TRAPPC11: variants seen among roughly 807,000 people sequenced by gnomAD.
TRAPPC11 encodes the protein foie gras homolog.
A neutral mutation model predicts 151.2 loss-of-function variants in TRAPPC11; 104 were observed. The ratio of observed to expected loss-of-function variants is 0.69; its 90% CI spans 0.59 to 0.81. TRAPPC11 has a LOEUF of 0.81. Ranked by LOEUF, TRAPPC11 falls within the 30% of genes least tolerant of loss-of-function variation. TRAPPC11 has a pLI of 0.00. For missense variants in TRAPPC11, 1,230 were observed against 1,349.6 expected (o/e 0.91, Z 1.39); for synonymous variants, 456 against 472.3 (o/e 0.97, Z 0.45).
Position 183,675,144 on chromosome 4 carries a change from A to G in TRAPPC11, c.661-20A>G. On this transcript the variant is annotated intron_variant, in intron 6 of 29. Coordinates refer to ENST00000334690, the MANE Select transcript of TRAPPC11 (RefSeq NM_021942.6). ...TTTAAATAGAATATGTATAATAGTA[A>G]TTTTTTTGTCTCTTTTTAGCTTTTA... 2 of 1,379,172 alleles carry G rather than the reference A, an allele frequency of 1.5e-6. No homozygotes were observed. Among genetic ancestry groups the G allele is most frequent in the Non-Finnish European group, 2.0e-6 (2 of 1,020,810 alleles). 85.4% of individuals were successfully genotyped at this position (1,379,172 alleles called of 1,614,324 possible).
At chr4:183,682,395 A>G (rs78347015) in intron 10 of TRAPPC11, among the ~76,000 whole-genome samples, 3,585 of 152,278 alleles carry the variant, frequency 0.024, 146 homozygotes, top group African/African-American at 0.082. Context: ...CATTGTTTTC[A>G]TTTACACAAA....
intron 2 of TRAPPC11, 27 bp from the exon 3 acceptor site, chr4:183,666,230 C>A (rs771409672): frequency 2.2e-5 from 36 of 1,600,934 alleles, no homozygotes; most frequent in Admixed American, 5.1e-5. Context: ...TGTCAGGTAA[C>A]TTTTCAATTT....
chr4:183,707,280 G>GTGTGTA (rs767311471), intron 28 of TRAPPC11, among the ~76,000 whole-genome samples: 8 of 151,938 alleles, frequency 5.3e-5, no homozygotes, highest in African/African-American at 1.9e-4. Flanking sequence ...GTGTGTGTGT[G>GTGTGTA]TGAGGCCTGG....
At chr4:183,703,899 C>G (rs1361357915) in intron 26 of TRAPPC11, among the ~76,000 whole-genome samples, 1 of 152,192 alleles carries the variant, frequency 6.6e-6, no homozygotes, top group Non-Finnish European at 1.5e-5. Context: ...TAGTAAAATA[C>G]TTTTAGTTCT....
intron 2 of TRAPPC11, among the ~76,000 whole-genome samples, chr4:183,665,376 G>A (rs1734827356): frequency 1.3e-5 from 2 of 152,136 alleles, no homozygotes; most frequent in Non-Finnish European, 2.9e-5. Context: ...TTACAGGCGT[G>A]AGCCACCGTG....
chr4:183,661,365 T>C (rs1306985825), intron 1 of TRAPPC11, among the ~76,000 whole-genome samples: 1 of 130,058 alleles, frequency 7.7e-6, no homozygotes, highest in Non-Finnish European at 1.6e-5. Context: ...GATTACCTTT[T>C]TTTTTTTTTT....
chr4:183,663,233 T>G (rs1176710964), intron 1 of TRAPPC11, among the ~76,000 whole-genome samples: 3 of 151,796 alleles, frequency 2.0e-5, no homozygotes, highest in African/African-American at 7.3e-5. Context: ...GTCCAGCTAA[T>G]TTTTTGTTTT....
chr4:183,662,874 CAT>C (rs1404806462), intron 1 of TRAPPC11, among the ~76,000 whole-genome samples: 2 of 151,956 alleles, frequency 1.3e-5, no homozygotes, highest in African/African-American at 2.4e-5. Context: ...CATTTTGAGA[CAT>C]TACTGAAAAT....
chr4:183,680,772 TC>T (rs2111351071), intron 10 of TRAPPC11, among the ~76,000 whole-genome samples: 1 of 141,348 alleles, frequency 7.1e-6, no homozygotes, highest in African/African-American at 2.6e-5. Context: ...GCATCCTCCA[TC>T]TCTTCATCTC....
intron 18 of TRAPPC11, among the ~76,000 whole-genome samples, chr4:183,691,009 A>T (rs1002705397): frequency 6.6e-6 from 1 of 152,070 alleles, no homozygotes; most frequent in South Asian, 2.1e-4. Context: ...GAAGCCAAGT[A>T]AAAAAAGGCT....
intron 25 of TRAPPC11, 36 bp from the exon 26 acceptor site, chr4:183,701,661 C>A: frequency 7.1e-7 from 1 of 1,414,832 alleles, no homozygotes; most frequent in South Asian, 1.2e-5. Context: ...GTAGATGAAA[C>A]CATTGCATAA....
chr4:183,706,077 C>CACACACACAT (rs1342183814), intron 27 of TRAPPC11: 2 of 148,692 alleles, frequency 1.3e-5, no homozygotes, highest in Admixed American at 6.7e-5. Flanking sequence ...AACACACACA[C>CACACACACAT]ACACACACAC....
intron 26 of TRAPPC11, among the ~76,000 whole-genome samples, chr4:183,704,518 C>CAAAAAAA (rs140497615): frequency 1.2e-5 from 1 of 86,426 alleles, no homozygotes; most frequent in Non-Finnish European, 2.4e-5. Flanking sequence ...GAGACTGTCT[C>CAAAAAAA]AAAAAAAAAA....
chr4:183,693,046 C>T lies in TRAPPC11; in HGVS notation c.2136C>T (p.Ser712=), dbSNP rs1736335552. 6.2e-7 allele frequency: 1 copy of T among 1,613,790 alleles called. No homozygotes were observed. The highest frequency in any genetic ancestry group is 2.2e-5 in the East Asian group (1 of 44,866). ...AGGGAGGAGGAGGAGATGCTGCTTC[C>T]TCCCAAGAAGCCTTACAGGCAGCTC... is the stretch of plus-strand genomic sequence containing the variant. The part of the protein sequence containing the change: ...NWQGGGGDAA[S]SQEALQAARS... The change falls in exon 20 of 30, where the codon TCC becomes TCT. Residue 712 remains serine, a synonymous_variant. Coordinates refer to ENST00000334690, the MANE Select transcript of TRAPPC11 (RefSeq NM_021942.6).
chr4:183,686,243 T>G (rs1471327620), intron 17 of TRAPPC11, among the ~76,000 whole-genome samples: 2 of 152,164 alleles, frequency 1.3e-5, no homozygotes, highest in African/African-American at 4.8e-5. Flanking sequence ...TTCAAGTGAT[T>G]CTTGTGCCTC....
intron 2 of TRAPPC11, among the ~76,000 whole-genome samples, 193 bp downstream of exon 2, chr4:183,664,264 A>C (rs904162423): frequency 1.7e-4 from 26 of 152,118 alleles, no homozygotes; most frequent in Admixed American, 5.2e-4. Flanking sequence ...TAAACTCCAG[A>C]GGAATAATTA....
At position 183,704,518 on chromosome 4, in the gene TRAPPC11, C is replaced by CA. The variant is rs140497615; in HGVS notation, c.2964-442dup. On this transcript the variant is annotated intron_variant, in intron 26 of 29. Coordinates refer to ENST00000334690, the MANE Select transcript of TRAPPC11 (RefSeq NM_021942.6). Reference sequence around the variant, plus strand: ...CCTGGGTGAGAGAGTGAGACTGTCTCAAAAAAAAAAAAAAAAAAATTGGCC... The same window carrying CA: ...CCTGGGTGAGAGAGTGAGACTGTCTCAAAAAAAAAAAAAAAAAAAATTGGCC... Among the ~76,000 whole-genome samples the CA allele has an allele frequency of 7.9e-3, 678 of 86,316 alleles. 13 individuals carry two copies. The highest frequency in any genetic ancestry group is 0.039 in the Middle Eastern group (5 of 128). 56.6% of individuals were successfully genotyped at this position (86,316 alleles called of 152,430 possible).
chr4:183,670,752 T>A (rs1380223369), intron 5 of TRAPPC11, among the ~76,000 whole-genome samples: 4 of 152,024 alleles, frequency 2.6e-5, no homozygotes, highest in Non-Finnish European at 4.4e-5. Context: ...ACTACAGGCA[T>A]GCACCACCAC....
rs757794137 is a variant in TRAPPC11, at chr4:183,684,799, T to C, written c.1525T>C (p.Leu509=). The C allele has an allele frequency of 1.2e-6, 2 of 1,614,018 alleles. No homozygotes were observed. The highest frequency in any genetic ancestry group is 8.5e-7 in the Non-Finnish European group (1 of 1,179,930). The part of the protein sequence containing the change: ...ALKCSYLMAQ[L]KDYITYSLEL... ...GAAGTGCTCCTACCTCATGGCCCAATTAAAGGATTACATTACTTACTCCCT... is the reference window on the plus strand; with the variant it reads ...GAAGTGCTCCTACCTCATGGCCCAACTAAAGGATTACATTACTTACTCCCT... Residue 509 remains leucine, a synonymous_variant, in exon 15 of 30, where the codon TTA becomes CTA. Coordinates refer to ENST00000334690, the MANE Select transcript of TRAPPC11 (RefSeq NM_021942.6).
Sources: gnomAD v4.1 joint callset for allele counts (sites outside exome capture counted in the v4.1 genomes callset) on GRCh38, gnomAD v4.1.1 for gene constraint, MANE v1.5 for transcripts, NCBI Gene and HGNC (gene_info 2026-07-23, HGNC 2026-07-21) for gene names.